The following LVRN variants were observed in gnomAD, a reference collection of about 807,000 sequenced individuals.
The protein encoded by LVRN is aminopeptidase Q.
Under a neutral mutation model 111.4 loss-of-function variants are expected in LVRN, and 99 were observed. That is an observed-to-expected ratio of 0.89 (90% CI 0.76 to 1.05). The LOEUF is 1.05. Among genes scored for constraint, LVRN ranks in the 50% least tolerant of loss-of-function variants. The pLI, the probability that LVRN is intolerant of heterozygous loss-of-function variation, is 0.00. For synonymous variants in LVRN, 488 were observed against 449.5 expected (o/e 1.09, Z -1.08); for missense variants, 1,414 against 1,206.8 (o/e 1.17, Z -2.54).
chr5:115,984,448 C>A, intron 2 of LVRN, 122 bp from the exon 3 acceptor site: 1 of 1,223,218 alleles, frequency 8.2e-7, no homozygotes, highest in Non-Finnish European at 1.1e-6. Context: ...GAAATCTGAA[C>A]TGCTAGACTA....
Position 115,962,993 on chromosome 5 carries a change from C to A in LVRN, c.376C>A (p.Pro126Thr), listed in dbSNP as rs1343353300. Residue 126 changes from proline (P) to threonine (T), a missense_variant, in exon 1 of 20, where the codon CCC (proline) becomes ACC (threonine). Transcript: ENST00000357872. Reference protein sequence around the residue: ...RPDELPAGSLPFTGRVNITVR... With the variant: ...RPDELPAGSLTFTGRVNITVR... Reference sequence around the variant, plus strand: ...CGACGAGCTTCCGGCCGGGTCTTTGCCCTTCACTGGCCGCGTGAACATCAC... The same window carrying A: ...CGACGAGCTTCCGGCCGGGTCTTTGACCTTCACTGGCCGCGTGAACATCAC... The A allele has an allele frequency of 1.2e-6, 2 of 1,613,582 alleles. No individual in the cohort carries two copies. Among genetic ancestry groups the A allele is most frequent in the African/African-American group, 2.7e-5 (2 of 75,034 alleles).
intron 15 of LVRN, 127 bp from the exon 16 acceptor site, chr5:116,014,293 C>G: frequency 1.5e-6 from 1 of 683,352 alleles, no homozygotes; most frequent in Non-Finnish European, 2.4e-6. Context: ...TTTTTTAAAA[C>G]AAACCTGATG....
At chr5:116,004,242 G>A (rs1748308650) in intron 12 of LVRN, among the ~76,000 whole-genome samples, 1 of 152,102 alleles carries the variant, frequency 6.6e-6, no homozygotes, top group South Asian at 2.1e-4. Context: ...ATAACTATAA[G>A]TAACTATGCA....
chr5:116,000,735 G>A, intron 9 of LVRN, 77 bp downstream of exon 9: 1 of 1,456,150 alleles, frequency 6.9e-7, no homozygotes, highest in Non-Finnish European at 9.5e-7. Flanking sequence ...GGCCATGGGT[G>A]AATGGCAGTT....
Position 116,015,884 on chromosome 5 carries a change from A to G in LVRN, c.2756+119A>G, listed in dbSNP as rs553405213. The G allele has an allele frequency of 3.5e-5, 43 of 1,232,970 alleles. No homozygotes were observed. The African/African-American group carries it at 3.5e-4, about 10-fold the overall frequency. The allele number at this position is 1,232,970 out of a possible 1,614,324, so 76.4% of individuals were successfully genotyped here. The stretch of plus-strand genomic sequence containing the variant: ...TAGCTAGGCCACAAACGTCCTTTGC[A>G]TTGACTAGAAAAGTTATCATTTTTC... On this transcript the variant is annotated intron_variant, in intron 18 of 19. Coordinates refer to ENST00000357872, the MANE Select transcript of LVRN (RefSeq NM_173800.5).
chr5:116,023,027 A>G (rs1012951780), intron 19 of LVRN, among the ~76,000 whole-genome samples: 2 of 152,184 alleles, frequency 1.3e-5, no homozygotes, highest in Admixed American at 6.5e-5. Flanking sequence ...GAAACACTCT[A>G]CCTTCTGTCT....
intron 1 of LVRN, among the ~76,000 whole-genome samples, chr5:115,972,843 C>T (rs1231586577): frequency 6.6e-6 from 1 of 151,984 alleles, no homozygotes; most frequent in Admixed American, 6.6e-5. Context: ...GTGTATTCTG[C>T]ATCTTTTGAG....
intron 12 of LVRN, among the ~76,000 whole-genome samples, chr5:116,005,313 G>A (rs1748336783): frequency 6.6e-6 from 1 of 152,212 alleles, no homozygotes; most frequent in South Asian, 2.1e-4. Context: ...CCCCCTTAGG[G>A]ACTGAGCTGA....
intron 1 of LVRN, among the ~76,000 whole-genome samples, chr5:115,977,318 T>C (rs1236783289): frequency 6.6e-6 from 1 of 152,202 alleles, no homozygotes; most frequent in Non-Finnish European, 1.5e-5. Context: ...AGTTTCCCTT[T>C]CCTGTGCTGC....
chr5:116,026,002 T>C lies in LVRN; in HGVS notation c.2857T>C (p.Leu953=), dbSNP rs1580405740. 1 of 1,613,824 alleles carries C rather than the reference T, an allele frequency of 6.2e-7. No homozygotes were observed. Among genetic ancestry groups the C allele is most frequent in the East Asian group, 2.2e-5 (1 of 44,872 alleles). ...GCTGCAGCAGTTTTTCAGTAACATG[T>C]TGGAGGAACACCAGAGGATCAGAGT... ...VELQQFFSNM[L]EEHQRIRVHA... Residue 953 remains leucine (L), a synonymous_variant, in exon 20 of 20, where the codon TTG becomes CTG. Transcript: ENST00000357872.
At chr5:115,981,313 T>C (rs1365279545) in intron 1 of LVRN, among the ~76,000 whole-genome samples, 1 of 152,204 alleles carries the variant, frequency 6.6e-6, no homozygotes, top group African/African-American at 2.4e-5. Flanking sequence ...TTGCCAACTA[T>C]TATAAATGAT....
At chr5:116,004,970 T>G (rs528110567) in intron 12 of LVRN, among the ~76,000 whole-genome samples, 14 of 152,228 alleles carry the variant, frequency 9.2e-5, no homozygotes, top group Non-Finnish European at 1.3e-4. Context: ...TCTAAATTCT[T>G]ATTACATTTC....
chr5:116,014,161 A>G (rs1337838738), intron 15 of LVRN, among the ~76,000 whole-genome samples: 2 of 152,166 alleles, frequency 1.3e-5, no homozygotes, highest in Non-Finnish European at 2.9e-5. Context: ...GAGATGAAGG[A>G]TGGCAGTAAT....
At position 115,992,328 on chromosome 5, in the gene LVRN, C is replaced by T. The variant is rs779745901; in HGVS notation, c.1260+51C>T. On this transcript the variant is annotated intron_variant, in intron 5 of 19. Transcript: ENST00000357872. ...TTCACTTGAAGTTATTCTCCAGGTG[C>T]GCTACCAAAATAGCATAAAAACCCC... The T allele has an allele frequency of 6.5e-5, 104 of 1,599,028 alleles. No homozygotes were observed. In the South Asian group the frequency reaches 6.6e-4, roughly 10 times the overall value.
intron 1 of LVRN, chr5:115,974,837 G>A (rs1428106466): frequency 3.0e-6 from 1 of 328,602 alleles, no homozygotes; most frequent in Non-Finnish European, 6.1e-6. Context: ...ATATTCACTT[G>A]ACTTATTTTA....
intron 1 of LVRN, among the ~76,000 whole-genome samples, chr5:115,970,674 C>G (rs753423939): frequency 6.7e-6 from 1 of 150,254 alleles, no homozygotes; most frequent in African/African-American, 2.4e-5. Context: ...TGTGAGCCAC[C>G]GCACCCATCT....
Position 115,993,778 on chromosome 5 carries a change from A to C in LVRN, c.1298A>C (p.Asn433Thr), listed in dbSNP as rs1485272754. The C allele has an allele frequency of 6.2e-7, 1 of 1,610,770 alleles. No homozygotes were observed. The highest frequency in any genetic ancestry group is 8.5e-7 in the Non-Finnish European group (1 of 1,179,110). The change falls in exon 6 of 20, where the codon AAT becomes ACT. Residue 433 changes from asparagine to threonine, a missense_variant. Asn to Thr is a moderately conservative substitution (Grantham distance 65). Coordinates refer to ENST00000357872, the MANE Select transcript of LVRN (RefSeq NM_173800.5). ...TTGGTTACCATGAATTGGTGGAACA[A>C]TATCTGGCTCAACGAGGGTTTTGCA... The part of the protein sequence containing the change: ...GNLVTMNWWN[N>T]IWLNEGFASY...
intron 1 of LVRN, among the ~76,000 whole-genome samples, chr5:115,965,435 T>C (rs1753181728): frequency 6.6e-6 from 1 of 152,238 alleles, no homozygotes; most frequent in African/African-American, 2.4e-5. Flanking sequence ...TGGTAAACTT[T>C]ATGTTATGTG....
intron 1 of LVRN, among the ~76,000 whole-genome samples, chr5:115,982,482 T>C (rs973442402): frequency 6.6e-6 from 1 of 152,158 alleles, no homozygotes; most frequent in South Asian, 2.1e-4. Context: ...GGTAAGCAAG[T>C]CTTGGCAAAT....
Sources: allele counts gnomAD v4.1 joint callset (sites outside exome capture counted in the v4.1 genomes callset), GRCh38; gene constraint gnomAD v4.1.1; transcripts MANE v1.5; gene names NCBI Gene and HGNC (gene_info 2026-07-23, HGNC 2026-07-21).